Variants in SLC6A20 observed in about 807,000 individuals in gnomAD.
The protein encoded by SLC6A20 is solute carrier family 6 member 20.
In SLC6A20, 73 loss-of-function variants were observed where a neutral mutation model predicts 64.3. That is an observed-to-expected ratio of 1.14 (90% CI 0.94 to 1.38). The LOEUF (loss-of-function observed/expected upper bound fraction) is 1.38, where lower values mean the gene tolerates loss of function less well. SLC6A20 is among the 40% of genes most tolerant of loss of function. SLC6A20 has a pLI of 0.00. For missense variants in SLC6A20, 725 were observed against 772.8 expected (o/e 0.94, Z 0.73); for synonymous variants, 347 against 329.6 (o/e 1.05, Z -0.57).
At chr3:45,781,049 A>G (rs1021652814) in intron 2 of SLC6A20, among the ~76,000 whole-genome samples, 2 of 152,092 alleles carry the variant, frequency 1.3e-5, no homozygotes, top group Admixed American at 1.3e-4. Flanking sequence ...GCGAAACCCC[A>G]TCTCTACTAA....
Position 45,765,682 on chromosome 3 carries a change from C to T in SLC6A20, c.1158G>A (p.Glu386=), listed in dbSNP as rs1280603448. 5.0e-6 allele frequency: 8 copies of T among 1,614,090 alleles called. No individual in the cohort carries two copies. Among genetic ancestry groups the T allele is most frequent in the African/African-American group, 2.7e-5 (2 of 74,932 alleles). ...IVYTEAIKNM[E]VSQLWSVLYF... is the part of the protein sequence containing the mutation. ...AGAGCACCGACCACAGCTGGGACAC[C>T]TCCATGTTTTTAATGGCCTCTGTGT... is the stretch of plus-strand genomic sequence containing the variant. The change falls in exon 8 of 11, where the codon GAG becomes GAA. Residue 386 remains glutamate, a synonymous_variant. Transcript: ENST00000358525. This position sits in a 1 kb window ranked among gnomAD's most constrained non-coding sequence, Gnocchi z 4.2.
intron 1 of SLC6A20, chr3:45,791,827 G>A (rs1464854334): frequency 2.6e-5 from 4 of 152,184 alleles, no homozygotes; most frequent in Non-Finnish European, 5.9e-5. Flanking sequence ...CACCAAAGGG[G>A]AAATTTACCT....
At chr3:45,794,203 C>T (rs1393098094) in intron 1 of SLC6A20, among the ~76,000 whole-genome samples, 3 of 152,116 alleles carry the variant, frequency 2.0e-5, no homozygotes, top group African/African-American at 7.2e-5. Context: ...GAGGAAATAT[C>T]TTGTGTGAAG....
rs1189141567 is a variant in SLC6A20 at position 45,759,053 on chromosome 3, C to T, written c.1704G>A (p.Met568Ile). 32 of 1,612,744 alleles carry T rather than the reference C, an allele frequency of 2.0e-5. No individual in the cohort carries two copies. The highest frequency in any genetic ancestry group is 3.3e-5 in the Admixed American group (2 of 59,886). Residue 568 changes from methionine (M) to isoleucine (I), a missense_variant, in exon 11 of 11, where the codon ATG becomes ATA. Met to Ile is a conservative substitution (Grantham distance 10). Coordinates refer to ENST00000358525, the MANE Select transcript of SLC6A20 (RefSeq NM_020208.4). ...TCCCCAGGGCCGCCAGGGGGATGCA[C>T]ATGGTGGAGGAGGCCACAAGCAGCC... ...VIGLLVASST[M>I]CIPLAALGTF...
chr3:45,759,080 G>A lies in SLC6A20; in HGVS notation c.1677C>T (p.Ile559=), dbSNP rs200277005. The change falls in exon 11 of 11, where the codon ATC becomes ATT. Residue 559 remains isoleucine, a synonymous_variant. Coordinates refer to ENST00000358525, the MANE Select transcript of SLC6A20 (RefSeq NM_020208.4). ...TGGTGGAGGAGGCCACAAGCAGCCCGATGACAGCCAGTGCATAGGCCGGGT... is the reference window on the plus strand; with the variant it reads ...TGGTGGAGGAGGCCACAAGCAGCCCAATGACAGCCAGTGCATAGGCCGGGT... ...KDYPAYALAV[I]GLLVASSTMC... 55 of 1,612,794 alleles carry A rather than the reference G, an allele frequency of 3.4e-5. No individual in the cohort carries two copies. Among genetic ancestry groups the A allele is most frequent in the East Asian group, 4.5e-5 (2 of 44,860 alleles).
intron 1 of SLC6A20, among the ~76,000 whole-genome samples, chr3:45,792,430 T>A (rs538145977): frequency 1.5e-3 from 231 of 152,274 alleles, no homozygotes; most frequent in African/African-American, 4.9e-3. Flanking sequence ...AAGACCAAAT[T>A]GAATTCCTTC....
At chr3:45,764,234 A>G (rs553109915) in intron 8 of SLC6A20, among the ~76,000 whole-genome samples, 1 of 152,382 alleles carries the variant, frequency 6.6e-6, no homozygotes, top group East Asian at 1.9e-4. Flanking sequence ...ATGTCCATCA[A>G]CAGCAGAATG....
Position 45,759,094 on chromosome 3 carries a change from C to T in SLC6A20, c.1663G>A (p.Ala555Thr). The stretch of plus-strand genomic sequence containing the variant: ...ACAAGCAGCCCGATGACAGCCAGTG[C>T]ATAGGCCGGGTAATCTTTGGTCACG... ...QLVTKDYPAY[A>T]LAVIGLLVAS... The change falls in exon 11 of 11, where the codon GCA becomes ACA. Residue 555 changes from alanine to threonine, a missense_variant. By Grantham distance (58) the Ala-to-Thr change is moderately conservative (BLOSUM62 0). Coordinates refer to ENST00000358525, the MANE Select transcript of SLC6A20 (RefSeq NM_020208.4). 1 of 1,612,134 alleles carries T rather than the reference C, an allele frequency of 6.2e-7. No homozygotes were observed. The highest frequency in any genetic ancestry group is 2.2e-5 in the East Asian group (1 of 44,824).
In SLC6A20 at chr3:45,796,485, G is replaced by T. The variant is rs886058547; in HGVS notation, c.-66C>A. The T allele has an allele frequency of 2.5e-4, 377 of 1,499,322 alleles. 1 individual carries two copies. The highest frequency in any genetic ancestry group is 2.7e-4 in the Non-Finnish European group (308 of 1,120,842). 92.9% of individuals were successfully genotyped at this position (1,499,322 alleles called of 1,614,324 possible). A position where few individuals can be genotyped will look rare whatever the true frequency, so the allele number is the denominator to read the frequency against. ...GGCACGGCAGTCTCAGTGCGCGGTC[G>T]CCAGGCGCGCCGTCCCACCCCGGCT... On this transcript the variant is annotated 5_prime_UTR_variant, in exon 1 of 11. Transcript: ENST00000358525.
intron 1 of SLC6A20, among the ~76,000 whole-genome samples, chr3:45,784,036 C>T (rs578161813): frequency 2.6e-4 from 40 of 152,288 alleles, no homozygotes; most frequent in African/African-American, 8.7e-4. Context: ...CCTGTTTTTA[C>T]GCGGGGTGTT....
chr3:45,766,256 C>T (rs1699775951), intron 7 of SLC6A20, among the ~76,000 whole-genome samples: 1 of 152,166 alleles, frequency 6.6e-6, no homozygotes. Context: ...GGCTGGAACT[C>T]CTGCTTAAAG....
intron 1 of SLC6A20, among the ~76,000 whole-genome samples, chr3:45,787,678 C>T (rs1369412348): frequency 1.3e-5 from 2 of 152,160 alleles, no homozygotes; most frequent in Admixed American, 1.3e-4. Flanking sequence ...TTGCAAGCCC[C>T]TGTTGTTGAG....
chr3:45,767,409 A>T (rs1031278897), intron 7 of SLC6A20, among the ~76,000 whole-genome samples: 2 of 152,262 alleles, frequency 1.3e-5, no homozygotes, highest in African/African-American at 4.8e-5. Flanking sequence ...ATAGTTATTG[A>T]ATTAAAAGGC....
intron 1 of SLC6A20, among the ~76,000 whole-genome samples, chr3:45,793,496 A>G (rs2373048): frequency 6.6e-6 from 1 of 151,262 alleles, no homozygotes; most frequent in Non-Finnish European, 1.5e-5. Flanking sequence ...TTTATTTTTT[A>G]TTTTTCTAGA....
At chr3:45,792,690 C>T (rs1700275475) in intron 1 of SLC6A20, among the ~76,000 whole-genome samples, 1 of 152,202 alleles carries the variant, frequency 6.6e-6, no homozygotes, top group Non-Finnish European at 1.5e-5. Context: ...CACCGCAGCT[C>T]CAGGCCGGCT....
At position 45,765,441 on chromosome 3, in the gene SLC6A20, G is replaced by T; in HGVS notation, c.1303+96C>A. The T allele has an allele frequency of 7.1e-7, 1 of 1,407,006 alleles. No individual in the cohort carries two copies. 87.2% of individuals were successfully genotyped at this position (1,407,006 alleles called of 1,614,324 possible). On this transcript the variant is annotated intron_variant, in intron 8 of 10. Transcript: ENST00000358525. This position sits in a 1 kb window ranked among gnomAD's most constrained non-coding sequence, Gnocchi z 4.2. ...TGGCTGCAACCCCCTGTAGCCACCT[G>T]AACCAGCCCATGACCCCTGAGGGAG... is the stretch of plus-strand genomic sequence containing the variant.
At chr3:45,793,815 G>A (rs749095690) in intron 1 of SLC6A20, among the ~76,000 whole-genome samples, 2 of 152,166 alleles carry the variant, frequency 1.3e-5, no homozygotes, top group African/African-American at 2.4e-5. Context: ...TTTACCTTCC[G>A]GTAAGGGATG....
chr3:45,795,537 G>GA (rs1263785694), intron 1 of SLC6A20, among the ~76,000 whole-genome samples: 3 of 151,928 alleles, frequency 2.0e-5, no homozygotes, highest in Non-Finnish European at 4.4e-5. Flanking sequence ...AGACAACCGA[G>GA]AAAAAAAGTG....
intron 1 of SLC6A20, among the ~76,000 whole-genome samples, chr3:45,785,921 T>C (rs754607745): frequency 1.9e-4 from 29 of 152,064 alleles, no homozygotes; most frequent in South Asian, 4.2e-4. Context: ...GAGACAGCCA[T>C]GTACAGATAC....
Sources: gnomAD v4.1 joint callset for allele counts (sites outside exome capture counted in the v4.1 genomes callset) on GRCh38, gnomAD v4.1.1 for gene constraint, Gnocchi (gnomAD v3.1) non-coding constraint, MANE v1.5 for transcripts, NCBI Gene and HGNC (gene_info 2026-07-23, HGNC 2026-07-21) for gene names.